FAHD2A: variants seen among roughly 807,000 people sequenced by gnomAD.
The protein encoded by FAHD2A is fumarylacetoacetate hydrolase domain containing 2A, also known as oxaloacetate tautomerase FAHD2A, mitochondrial.
In FAHD2A, 27 loss-of-function variants were observed where a neutral mutation model predicts 33.4. That is an observed-to-expected ratio of 0.81 (90% confidence interval 0.60 to 1.11). The LOEUF (loss-of-function observed/expected upper bound fraction) is 1.11. Among genes scored for constraint, FAHD2A ranks in the 50% most tolerant of loss-of-function variants. The pLI is 0.00. For synonymous variants in FAHD2A, 130 were observed against 153.3 expected, an observed-to-expected ratio of 0.85 and a Z score of 1.12; for missense variants, 296 against 395.0, an observed-to-expected ratio of 0.75 and a Z score of 2.12.
At position 95,415,435 on chromosome 2, in the gene FAHD2A, AAAG is replaced by A. The variant is rs1683059025; in HGVS notation, c.*2479_*2481del. ...CAAATGAAATGTTAAAAAAAAAAAAAAAGCAATACTTGCATTCTCATTAGTAGG... is the reference window on the plus strand; with the variant it reads ...CAAATGAAATGTTAAAAAAAAAAAAACAATACTTGCATTCTCATTAGTAGG... On this transcript the variant is annotated 3_prime_UTR_variant, in exon 8 of 8. Coordinates refer to ENST00000233379, the MANE Select transcript of FAHD2A (RefSeq NM_016044.3). 3 of 152,708 alleles carry A rather than the reference AAAG, an allele frequency of 2.0e-5. No individual in the cohort carries two copies. The South Asian group carries it at 6.2e-4, about 32-fold the overall frequency. 9.5% of individuals were successfully genotyped at this position (152,708 alleles called of 1,614,324 possible).
At position 95,412,698 on chromosome 2, in the gene FAHD2A, G is replaced by A. The variant is rs780311070; in HGVS notation, c.816G>A (p.Gly272=). Residue 272 remains glycine, a synonymous_variant, in exon 7 of 8, where the codon GGG becomes GGA. Transcript: ENST00000233379. ...CCAGGTTTGTTACCTTTTACCCAGG[G>A]GATGTCATCCTAACTGGGACCCCCC... ...WVSQFVTFYP[G]DVILTGTPPG... The A allele has an allele frequency of 2.5e-6, 4 of 1,614,098 alleles. No individual in the cohort carries two copies. The highest frequency in any genetic ancestry group is 2.2e-5 in the South Asian group (2 of 91,068).
At position 95,413,609 on chromosome 2, in the gene FAHD2A, G is replaced by A. The variant is rs1682870487; in HGVS notation, c.*652G>A. On this transcript the variant is annotated 3_prime_UTR_variant, in exon 8 of 8. Coordinates refer to ENST00000233379, the MANE Select transcript of FAHD2A (RefSeq NM_016044.3). Reference sequence around the variant, plus strand: ...GGGCCGTGAGTGCACTCACCACAGGGACTGTGTCCACATGGCCCAGGGGCC... The same window carrying A: ...GGGCCGTGAGTGCACTCACCACAGGAACTGTGTCCACATGGCCCAGGGGCC... The A allele has an allele frequency of 6.7e-7, 1 of 1,500,722 alleles. No individual in the cohort carries two copies. Among genetic ancestry groups the A allele is most frequent in the South Asian group, 1.3e-5 (1 of 74,590 alleles). The allele number at this position is 1,500,722 out of a possible 1,614,324, so 93.0% of individuals were successfully genotyped here.
At chr2:95,407,180 C>G in intron 3 of FAHD2A, 23 bp downstream of exon 3, 1 of 1,611,848 alleles carries the variant, frequency 6.2e-7, no homozygotes, top group East Asian at 2.2e-5. Context: ...CCACTGCCCT[C>G]CCTAGTCACT....
chr2:95,411,699 G>T (rs1343639651), intron 5 of FAHD2A, among the ~76,000 whole-genome samples: 2 of 152,236 alleles, frequency 1.3e-5, no homozygotes, highest in Non-Finnish European at 2.9e-5. Flanking sequence ...GGTTAGCCAG[G>T]ATGTTCTTAC....
At chr2:95,410,832 C>G (rs771572341) in intron 4 of FAHD2A, 32 bp from the exon 5 acceptor site, 1 of 1,612,506 alleles carries the variant, frequency 6.2e-7, no homozygotes. Flanking sequence ...ATGATCTAAC[C>G]TCCTGTATGG....
downstream of FAHD2A, among the ~76,000 whole-genome samples, chr2:95,417,432 G>A (rs1196257825): frequency 1.3e-5 from 2 of 151,984 alleles, no homozygotes; most frequent in African/African-American, 4.8e-5. Context: ...ACAGGAAGCT[G>A]GCTATTTGGG....
intron 3 of FAHD2A, among the ~76,000 whole-genome samples, chr2:95,408,035 A>ATTTTTTTT (rs11377714): frequency 3.2e-5 from 3 of 94,696 alleles, no homozygotes; most frequent in Admixed American, 1.4e-4. Flanking sequence ...GCAAACACAC[A>ATTTTTTTT]TTTTTTTTTT....
intron 5 of FAHD2A, among the ~76,000 whole-genome samples, chr2:95,411,640 A>G (rs1388490691): frequency 6.6e-6 from 1 of 152,214 alleles, no homozygotes; most frequent in African/African-American, 2.4e-5. Context: ...CAGCTGCTCT[A>G]CTTAAGGGGG....
downstream of FAHD2A, among the ~76,000 whole-genome samples, chr2:95,421,005 C>CTGTGTGTGTGTGTGTGTG (rs57970330): frequency 6.9e-5 from 9 of 129,990 alleles, no homozygotes; most frequent in African/African-American, 2.8e-4. Context: ...GAATGAACCT[C>CTGTGTGTGTGTGTGTGTG]TGTGTGTGTG....
At position 95,412,975 on chromosome 2, in the gene FAHD2A, C is replaced by G. The variant is rs758465746; in HGVS notation, c.*18C>G. 29 of 1,613,408 alleles carry G rather than the reference C, an allele frequency of 1.8e-5. No homozygotes were observed. In the African/African-American group the frequency reaches 3.6e-4, roughly 20 times the overall value. On this transcript the variant is annotated 3_prime_UTR_variant, in exon 8 of 8. Transcript: ENST00000233379. ...TGGTGTGATGGCTCCTGCACAGGCC[C>G]TGCACATAGGATGAGGGCATCTGCT...
chr2:95,414,248 C>G lies in FAHD2A; in HGVS notation c.*1291C>G, dbSNP rs1164820310. ...CCTGGGCTGACTGGTTGGGACTCAC[C>G]AAAGATCCCTTCTTCCTGGGCGGTG... On this transcript the variant is annotated 3_prime_UTR_variant, in exon 8 of 8. Coordinates refer to ENST00000233379, the MANE Select transcript of FAHD2A (RefSeq NM_016044.3). 1.4e-5 allele frequency: 22 copies of G among 1,601,744 alleles called. No individual in the cohort carries two copies. Among genetic ancestry groups the G allele is most frequent in the Non-Finnish European group, 1.8e-5 (21 of 1,173,370 alleles).
At chr2:95,420,017 C>T (rs1683293087), downstream of FAHD2A, among the ~76,000 whole-genome samples, 1 of 152,008 alleles carries the variant, frequency 6.6e-6, no homozygotes, top group South Asian at 2.1e-4. Context: ...GCTGTAAGTT[C>T]CAGTTCAAAG....
chr2:95,412,260 G>C (rs531412182), intron 5 of FAHD2A, among the ~76,000 whole-genome samples, 174 bp from the exon 6 acceptor site: 8 of 152,174 alleles, frequency 5.3e-5, no homozygotes, highest in Admixed American at 4.6e-4. Context: ...GGGGAGGCCT[G>C]AGAAGGCCAA....
Position 95,412,532 on chromosome 2 carries a change from T to A in FAHD2A, c.784T>A (p.Trp262Arg). Reference protein sequence around the residue: ...MVFKTEDLIAWVSQFVTFYPG... With the variant: ...MVFKTEDLIARVSQFVTFYPG... Reference sequence around the variant, plus strand: ...ATTCAAGACAGAGGACCTGATAGCCTGGGTCTCCCAGTGAGTGACAGGGGC... The same window carrying A: ...ATTCAAGACAGAGGACCTGATAGCCAGGGTCTCCCAGTGAGTGACAGGGGC... The change falls in exon 6 of 8, where the codon TGG becomes AGG. Residue 262 changes from tryptophan to arginine, a missense_variant. By Grantham distance (101) the Trp-to-Arg change is moderately radical. Coordinates refer to ENST00000233379, the MANE Select transcript of FAHD2A (RefSeq NM_016044.3). The A allele has an allele frequency of 6.2e-7, 1 of 1,613,986 alleles. No homozygotes were observed. Among genetic ancestry groups the A allele is most frequent in the Non-Finnish European group, 8.5e-7 (1 of 1,179,862 alleles).
At chr2:95,403,329 G>A (rs1681021890) in intron 1 of FAHD2A, among the ~76,000 whole-genome samples, 1 of 152,170 alleles carries the variant, frequency 6.6e-6, no homozygotes, top group South Asian at 2.1e-4. Flanking sequence ...GGAGATTGCT[G>A]TAAGGTTGGA....
downstream of FAHD2A, among the ~76,000 whole-genome samples, chr2:95,417,229 C>T (rs1683236096): frequency 6.6e-6 from 1 of 152,222 alleles, no homozygotes; most frequent in African/African-American, 2.4e-5. Context: ...CAGCTCATCC[C>T]TGAGTTGACC....
chr2:95,412,920 T>C lies in FAHD2A; in HGVS notation c.908T>C (p.Ile303Thr), dbSNP rs1461485093. The change falls in exon 8 of 8, where the codon ATT becomes ACT. Residue 303 changes from isoleucine (I) to threonine (T), a missense_variant. Coordinates refer to ENST00000233379, the MANE Select transcript of FAHD2A (RefSeq NM_016044.3). ...LKKGDEVQCE[I>T]EELGVIINKV... is the part of the protein sequence containing the mutation. Reference sequence around the variant, plus strand: ...AAGGGGGATGAAGTCCAGTGTGAGATTGAAGAACTAGGTGTCATCATCAAC... The same window carrying C: ...AAGGGGGATGAAGTCCAGTGTGAGACTGAAGAACTAGGTGTCATCATCAAC... 5 of 1,614,062 alleles carry C rather than the reference T, an allele frequency of 3.1e-6. No homozygotes were observed. The highest frequency in any genetic ancestry group is 1.7e-5 in the Admixed American group (1 of 60,002).
downstream of FAHD2A, among the ~76,000 whole-genome samples, chr2:95,420,376 T>C (rs2551298): frequency 6.6e-5 from 10 of 152,042 alleles, no homozygotes; most frequent in South Asian, 2.1e-4. Context: ...TTAAAGTATT[T>C]GCAGGAAGGA....
chr2:95,412,699 G>A lies in FAHD2A; in HGVS notation c.817G>A (p.Asp273Asn). 1 of 1,614,138 alleles carries A rather than the reference G, an allele frequency of 6.2e-7. No homozygotes were observed. The highest frequency in any genetic ancestry group is 1.1e-5 in the South Asian group (1 of 91,062). The change falls in exon 7 of 8, where the codon GAT becomes AAT. Residue 273 changes from aspartate (D) to asparagine (N), a missense_variant. Transcript: ENST00000233379. ...VSQFVTFYPG[D>N]VILTGTPPGV... The stretch of plus-strand genomic sequence containing the variant: ...CAGGTTTGTTACCTTTTACCCAGGG[G>A]ATGTCATCCTAACTGGGACCCCCCC...
Sources: allele counts gnomAD v4.1 joint callset (sites outside exome capture counted in the v4.1 genomes callset), GRCh38; gene constraint gnomAD v4.1.1; transcripts MANE v1.5; gene names NCBI Gene and HGNC (gene_info 2026-07-23, HGNC 2026-07-21).